The following ZPBP variants were observed in gnomAD, a reference collection of about 807,000 sequenced individuals.
ZPBP encodes zona pellucida binding protein.
In ZPBP, 26 loss-of-function variants were observed where a neutral mutation model predicts 44.8. The ratio of observed to expected loss-of-function variants is 0.58; its 90% confidence interval spans 0.43 to 0.81. The LOEUF (loss-of-function observed/expected upper bound fraction) is 0.81, where lower values mean the gene tolerates loss of function less well. Among genes scored for constraint, ZPBP ranks in the 30% least tolerant of loss-of-function variants. The pLI, the probability that ZPBP is intolerant of heterozygous loss-of-function variation, is 0.00. For missense variants in ZPBP, 409 were observed against 434.0 expected, an observed-to-expected ratio of 0.94 and a Z score of 0.51; for synonymous variants, 174 against 153.2, an observed-to-expected ratio of 1.14 and a Z score of -1.00.
At chr7:50,046,660 G>T (rs567394514) in intron 4 of ZPBP, among the ~76,000 whole-genome samples, 6 of 152,186 alleles carry the variant, frequency 3.9e-5, no homozygotes, top group African/African-American at 1.4e-4. Context: ...TGCTGGAGAG[G>T]ATATGGAGAA....
At chr7:49,919,334 G>A (rs548874140) in intron 1 of ZPBP, 82 of 152,246 alleles carry the variant, frequency 5.4e-4, no homozygotes, top group African/African-American at 1.5e-3. Context: ...TAAAAAAAGC[G>A]ATGGCATCAC....
intron 1 of ZPBP, among the ~76,000 whole-genome samples, chr7:50,091,715 A>C (rs1202601835): frequency 2.0e-5 from 3 of 152,232 alleles, no homozygotes; most frequent in African/African-American, 7.2e-5. Context: ...ATTAAATAAT[A>C]ATTGTGAAAC....
At chr7:49,936,426 G>A (rs1385527265), downstream of ZPBP, among the ~76,000 whole-genome samples, 12 of 152,192 alleles carry the variant, frequency 7.9e-5, no homozygotes, top group Admixed American at 7.9e-4. Flanking sequence ...TGAGAGGCTA[G>A]TTTATCAACT....
At chr7:49,957,747 T>G (rs1268900) in intron 7 of ZPBP, among the ~76,000 whole-genome samples, 149,908 of 152,250 alleles carry the variant, frequency 0.98, 73,806 homozygotes, top group East Asian at 1. Flanking sequence ...GGTAATGCCC[T>G]GCAGAATTGT....
rs539391257 is a variant in ZPBP, at chr7:50,062,781, TAAAAAAATACCTTCTCTTAATAACA to T, written c.335-4665_335-4641del. Among the ~76,000 whole-genome samples, 690 of 152,194 alleles carry T rather than the reference TAAAAAAATACCTTCTCTTAATAACA, an allele frequency of 4.5e-3. 2 individuals are homozygous for T. The highest frequency in any genetic ancestry group is 0.016 in the African/African-American group (670 of 41,538). On this transcript the variant is annotated intron_variant, in intron 3 of 7. Transcript: ENST00000046087. ...GGACACCAAGTTAACAACTATCCAT[TAAAAAAATACCTTCTCTTAATAACA>T]AAAATCAGATGAGCACTCATAGTGC... is the stretch of plus-strand genomic sequence containing the variant.
chr7:49,971,983 GA>G (rs964844723), intron 7 of ZPBP, among the ~76,000 whole-genome samples: 22 of 151,778 alleles, frequency 1.4e-4, no homozygotes, highest in African/African-American at 5.3e-4. Context: ...GAATGAAAAG[GA>G]AAAAAACTAC....
At chr7:50,058,518 T>A (rs539616089) in intron 3 of ZPBP, among the ~76,000 whole-genome samples, 1 of 152,306 alleles carries the variant, frequency 6.6e-6, no homozygotes, top group East Asian at 1.9e-4. Context: ...TATTTATATT[T>A]AATGATAAAT....
chr7:49,961,518 C>T (rs920967279), intron 7 of ZPBP, among the ~76,000 whole-genome samples: 1 of 152,036 alleles, frequency 6.6e-6, no homozygotes, highest in Admixed American at 6.6e-5. Context: ...CTTTTCTTGA[C>T]CATTGTGATG....
At chr7:49,934,899 GGCT>G (rs1485016545), downstream of ZPBP, among the ~76,000 whole-genome samples, 1 of 152,046 alleles carries the variant, frequency 6.6e-6, no homozygotes, top group African/African-American at 2.4e-5. Flanking sequence ...TAACTTCACA[GGCT>G]GGTATAATTA....
At chr7:50,004,666 G>A (rs1366915280) in intron 6 of ZPBP, among the ~76,000 whole-genome samples, 1 of 152,058 alleles carries the variant, frequency 6.6e-6, no homozygotes, top group Non-Finnish European at 1.5e-5. Context: ...AAAATTAATT[G>A]CTATAGAGAT....
downstream of ZPBP, among the ~76,000 whole-genome samples, chr7:49,846,398 G>A (rs1252359309): frequency 3.9e-5 from 6 of 152,222 alleles, no homozygotes; most frequent in East Asian, 1.9e-4. Context: ...ACTACATGCA[G>A]GGCTCCAGCC....
chr7:49,985,802 T>C (rs1246208660), intron 6 of ZPBP, among the ~76,000 whole-genome samples: 1 of 152,174 alleles, frequency 6.6e-6, no homozygotes, highest in Non-Finnish European at 1.5e-5. Context: ...CCAAGGGTCT[T>C]GTCTGCACAT....
At chr7:49,953,234 G>A (rs1795426232) in intron 7 of ZPBP, among the ~76,000 whole-genome samples, 1 of 152,104 alleles carries the variant, frequency 6.6e-6, no homozygotes, top group African/African-American at 2.4e-5. Context: ...GTCCCAGAGA[G>A]GAGATAGCAA....
chr7:50,041,123 G>C (rs1271149807), intron 4 of ZPBP, among the ~76,000 whole-genome samples: 1 of 152,176 alleles, frequency 6.6e-6, no homozygotes, highest in African/African-American at 2.4e-5. Flanking sequence ...TCTTCTCTGG[G>C]AAGGGTATCT....
chr7:50,066,990 C>T (rs1054556321), intron 3 of ZPBP, among the ~76,000 whole-genome samples: 1 of 152,190 alleles, frequency 6.6e-6, no homozygotes, highest in African/African-American at 2.4e-5. Flanking sequence ...GCAACTTTAA[C>T]AGCAGTGGGA....
intron 5 of ZPBP, among the ~76,000 whole-genome samples, chr7:50,024,359 A>G (rs1202285535): frequency 6.6e-6 from 1 of 152,050 alleles, no homozygotes; most frequent in Non-Finnish European, 1.5e-5. Flanking sequence ...CTATGCTCCC[A>G]TGTTCACTGC....
chr7:50,028,755 A>T (rs935867643), intron 5 of ZPBP, among the ~76,000 whole-genome samples: 1 of 152,148 alleles, frequency 6.6e-6, no homozygotes, highest in Non-Finnish European at 1.5e-5. Context: ...CAGAAATAAT[A>T]AAATACTTAG....
intron 5 of ZPBP, among the ~76,000 whole-genome samples, chr7:50,022,028 G>A (rs891934001): frequency 2.6e-5 from 4 of 152,126 alleles, no homozygotes; most frequent in African/African-American, 9.7e-5. Flanking sequence ...ATAGAAGGCA[G>A]TGGGATGATA....
At chr7:49,974,445 C>T (rs1796417845) in intron 7 of ZPBP, among the ~76,000 whole-genome samples, 1 of 152,000 alleles carries the variant, frequency 6.6e-6, no homozygotes, top group South Asian at 2.1e-4. Context: ...GGGTATATTG[C>T]ATGAGTACAA....
Sources: gnomAD v4.1 joint callset for allele counts (sites outside exome capture counted in the v4.1 genomes callset) on GRCh38, gnomAD v4.1.1 for gene constraint, MANE v1.5 for transcripts, NCBI Gene and HGNC (gene_info 2026-07-23, HGNC 2026-07-21) for gene names.